The following EXOC4 variants were observed in gnomAD, a reference collection of about 807,000 sequenced individuals.
EXOC4 encodes the protein SEC8-like 1.
EXOC4 carries 71 observed loss-of-function variants against 107.2 expected under a neutral mutation model. That is an observed-to-expected ratio of 0.66 (90% confidence interval 0.55 to 0.81). The LOEUF (loss-of-function observed/expected upper bound fraction) is 0.81, where lower values mean the gene tolerates loss of function less well. EXOC4 is among the 30% of genes least tolerant of loss of function. The probability of loss-of-function intolerance (pLI) is 0.00; values close to 1 mark genes in which losing one functional copy is unlikely to be tolerated. For missense variants in EXOC4, 1,108 were observed against 1,189.6 expected, an observed-to-expected ratio of 0.93 and a Z score of 1.01; for synonymous variants, 456 against 441.2, an observed-to-expected ratio of 1.03 and a Z score of -0.42.
intron 10 of EXOC4, among the ~76,000 whole-genome samples, chr7:133,706,711 T>C (rs931948602): frequency 6.6e-6 from 1 of 152,242 alleles, no homozygotes; most frequent in Non-Finnish European, 1.5e-5. Flanking sequence ...GTGTGTTTTA[T>C]ACTTAGAGCA....
chr7:133,763,123 G>A (rs1295033406), intron 10 of EXOC4, among the ~76,000 whole-genome samples: 1 of 152,116 alleles, frequency 6.6e-6, no homozygotes, highest in Admixed American at 6.6e-5. Context: ...AATTACTAAT[G>A]TAGAGAATCA....
intron 9 of EXOC4, among the ~76,000 whole-genome samples, chr7:133,540,774 A>T (rs972888419): frequency 3.3e-5 from 5 of 152,208 alleles, no homozygotes; most frequent in African/African-American, 9.6e-5. Flanking sequence ...TTGCAAAGCT[A>T]ATAGCTTCCC....
At chr7:133,895,837 C>A in intron 12 of EXOC4, 102 bp downstream of exon 12, 1 of 1,297,326 alleles carries the variant, frequency 7.7e-7, no homozygotes, top group Non-Finnish European at 1.1e-6. Context: ...AGGATCATCT[C>A]TGAGTTTGTC....
chr7:134,084,603 A>T, the EXOC4 span, among the ~76,000 whole-genome samples: 6 of 79,110 alleles, frequency 7.6e-5, no homozygotes, highest in Admixed American at 4.5e-4. Flanking sequence ...CTGAATGTAG[A>T]TGCCTTTCTA....
intron 7 of EXOC4, among the ~76,000 whole-genome samples, chr7:133,383,520 T>C (rs1026883457): frequency 6.6e-6 from 1 of 152,218 alleles, no homozygotes; most frequent in Non-Finnish European, 1.5e-5. Flanking sequence ...GCCATATAAA[T>C]GTTTAGTGAT....
intron 10 of EXOC4, among the ~76,000 whole-genome samples, chr7:133,703,136 T>C (rs1232491689): frequency 6.6e-6 from 1 of 152,230 alleles, no homozygotes; most frequent in Non-Finnish European, 1.5e-5. Context: ...GTCAGCATTT[T>C]GTTCATCATT....
At chr7:133,263,783 G>A (rs1306044057) in intron 1 of EXOC4, among the ~76,000 whole-genome samples, 1 of 70 alleles carries the variant, frequency 0.014, no homozygotes, top group Admixed American at 0.25. Context: ...GAAGATGGTG[G>A]GAAACAGGTT....
At chr7:133,820,154 A>ATTTTTTTTTTTTTTTTTTTTTTTT (rs35640945) in intron 11 of EXOC4, among the ~76,000 whole-genome samples, 1 of 70,300 alleles carries the variant, frequency 1.4e-5, no homozygotes, top group Non-Finnish European at 2.8e-5. Flanking sequence ...CACCTGCTTC[A>ATTTTTTTTTTTTTTTTTTTTTTTT]TTTTTTTTTT....
intron 10 of EXOC4, among the ~76,000 whole-genome samples, chr7:133,692,729 T>A (rs1794448274): frequency 6.6e-6 from 1 of 152,224 alleles, no homozygotes; most frequent in Admixed American, 6.5e-5. Context: ...GCAATACGTA[T>A]CAGTCTCTGT....
At chr7:133,577,022 G>T (rs1192778906) in intron 9 of EXOC4, 1 of 433,066 alleles carries the variant, frequency 2.3e-6, no homozygotes, top group Non-Finnish European at 4.0e-6. Context: ...TTAAGTAGAA[G>T]AAGATGCTCA....
At chr7:133,575,242 T>A (rs1801103774) in intron 9 of EXOC4, among the ~76,000 whole-genome samples, 1 of 152,214 alleles carries the variant, frequency 6.6e-6, no homozygotes, top group Non-Finnish European at 1.5e-5. Context: ...CACTTAATGC[T>A]TGTCTCTCCT....
chr7:133,536,730 G>A (rs1317845740), intron 9 of EXOC4, among the ~76,000 whole-genome samples: 1 of 151,942 alleles, frequency 6.6e-6, no homozygotes, highest in Non-Finnish European at 1.5e-5. Flanking sequence ...CTGGTGTGGG[G>A]ACTTTGATCT....
At chr7:133,904,082 C>G (rs1294145543) in intron 12 of EXOC4, among the ~76,000 whole-genome samples, 1 of 151,992 alleles carries the variant, frequency 6.6e-6, no homozygotes, top group Non-Finnish European at 1.5e-5. Flanking sequence ...AACTTTTGCA[C>G]TGAGTTTTGC....
intron 11 of EXOC4, among the ~76,000 whole-genome samples, chr7:133,847,652 T>G (rs1388006588): frequency 6.6e-6 from 1 of 150,976 alleles, no homozygotes; most frequent in Admixed American, 6.6e-5. Flanking sequence ...CCCAAAGTGT[T>G]GGGATTACAG....
At chr7:133,827,354 A>G (rs1424389863) in intron 11 of EXOC4, among the ~76,000 whole-genome samples, 1 of 152,218 alleles carries the variant, frequency 6.6e-6, no homozygotes, top group African/African-American at 2.4e-5. Flanking sequence ...TTACCTTTGA[A>G]TGAAAAAGAA....
At chr7:133,322,519 G>A (rs908504724) in intron 5 of EXOC4, among the ~76,000 whole-genome samples, 4 of 152,182 alleles carry the variant, frequency 2.6e-5, no homozygotes, top group African/African-American at 9.7e-5. Context: ...TGAAAGGTCA[G>A]ATGGTTGTAG....
chr7:133,791,253 T>C (rs1796697716), intron 10 of EXOC4, among the ~76,000 whole-genome samples: 1 of 152,186 alleles, frequency 6.6e-6, no homozygotes, highest in African/African-American at 2.4e-5. Context: ...TTACGAGTTA[T>C]TTTTAGTGTA....
At chr7:134,079,280 C>T in the EXOC4 span, among the ~76,000 whole-genome samples, 1 of 152,200 alleles carries the variant, frequency 6.6e-6, no homozygotes, top group South Asian at 2.1e-4. Flanking sequence ...GCAAGCACAA[C>T]TATGTTCTGT....
At chr7:134,056,124 T>C (rs1313829981) in intron 17 of EXOC4, among the ~76,000 whole-genome samples, 1 of 152,212 alleles carries the variant, frequency 6.6e-6, no homozygotes, top group Non-Finnish European at 1.5e-5. Context: ...TATGTAGCTT[T>C]GTGGTCACTA....
Sources: gnomAD v4.1 joint callset for allele counts (sites outside exome capture counted in the v4.1 genomes callset) on GRCh38, gnomAD v4.1.1 for gene constraint, MANE v1.5 for transcripts, NCBI Gene and HGNC (gene_info 2026-07-23, HGNC 2026-07-21) for gene names.